MACF1: variants seen among roughly 807,000 people sequenced by gnomAD.
MACF1 encodes the protein microtubule actin crosslinking factor 1, also known as microtubule-actin cross-linking factor 1.
MACF1 carries 193 observed loss-of-function variants against 854.8 expected under a neutral mutation model. The observed-to-expected ratio is 0.23, with a 90% confidence interval of 0.20 to 0.25. The LOEUF (loss-of-function observed/expected upper bound fraction) is 0.25, where lower values mean the gene tolerates loss of function less well. Ranked by LOEUF, MACF1 falls within the 10% of genes least tolerant of loss-of-function variation. The pLI is 1.00. For missense variants in MACF1, 7,722 were observed against 8,929.1 expected (o/e 0.86, Z 5.45); for synonymous variants, 3,185 against 3,226.7 (o/e 0.99, Z 0.44).
At chr1:39,231,834 T>C (rs1644781420) in intron 2 of MACF1, among the ~76,000 whole-genome samples, 1 of 152,016 alleles carries the variant, frequency 6.6e-6, no homozygotes, top group Non-Finnish European at 1.5e-5. Context: ...CGTGAGCCAC[T>C]ACACCCAGTG....
rs776631689 is a variant in MACF1 at position 39,427,447 on chromosome 1, T to C, written c.16317-8T>C. On this transcript the variant is annotated splice_region_variant and splice_polypyrimidine_tract_variant and intron_variant, in intron 61 of 100. Transcript: ENST00000564288. ...TTCCTGAGCAGCTTGTTCTATATAT[T>C]TGTGTAGGCAAAAACAGCTGGAAGA... 3.1e-6 allele frequency: 5 copies of C among 1,613,478 alleles called. No homozygotes were observed. Among genetic ancestry groups the C allele is most frequent in the Non-Finnish European group, 3.4e-6 (4 of 1,179,698 alleles).
At chr1:39,197,718 T>G (rs1644338047) in intron 2 of MACF1, among the ~76,000 whole-genome samples, 1 of 150,454 alleles carries the variant, frequency 6.6e-6, no homozygotes, top group Non-Finnish European at 1.5e-5. Context: ...GACCCCATCT[T>G]CAAAAAAAAT....
intron 15 of MACF1, among the ~76,000 whole-genome samples, chr1:39,289,946 C>T (rs992249299): frequency 3.9e-5 from 6 of 152,008 alleles, no homozygotes; most frequent in East Asian, 3.9e-4. Context: ...GTGATCCACC[C>T]GTCTCGGCCT....
chr1:39,101,855 G>GGAGGGAGGGAAAGAAAGAAAA (rs1642087163), intron 2 of MACF1, among the ~76,000 whole-genome samples: 1 of 147,984 alleles, frequency 6.8e-6, no homozygotes, highest in South Asian at 2.2e-4. Context: ...AGAAAGGGAG[G>GGAGGGAGGGAAAGAAAGAAAA]GAGGGAGGGA....
chr1:39,393,201 A>G (rs1380677941), intron 58 of MACF1, among the ~76,000 whole-genome samples: 2 of 121,174 alleles, frequency 1.7e-5, no homozygotes, highest in Non-Finnish European at 3.2e-5. Context: ...AAAAAAATAT[A>G]TATATATATA....
At chr1:39,266,594 CTTTT>C (rs11406070) in intron 6 of MACF1, among the ~76,000 whole-genome samples, 6 of 58,122 alleles carry the variant, frequency 1.0e-4, no homozygotes, top group African/African-American at 2.2e-4. Flanking sequence ...TGGTCTTTTC[CTTTT>C]TTTTTTTTTT....
intron 2 of MACF1, among the ~76,000 whole-genome samples, chr1:39,132,958 AG>A (rs1452549022): frequency 6.6e-6 from 1 of 152,144 alleles, no homozygotes; most frequent in African/African-American, 2.4e-5. Flanking sequence ...AGGTTAGAAA[AG>A]CTCGGTCCCT....
intron 2 of MACF1, among the ~76,000 whole-genome samples, chr1:39,119,272 G>T (rs1273038897): frequency 7.4e-6 from 1 of 135,622 alleles, no homozygotes; most frequent in East Asian, 2.2e-4. Flanking sequence ...AGCCGAGATC[G>T]CACCATTGCA....
intron 1 of MACF1, among the ~76,000 whole-genome samples, chr1:39,210,803 T>C (rs918380518): frequency 5.9e-5 from 9 of 152,226 alleles, no homozygotes; most frequent in African/African-American, 2.2e-4. Context: ...GTTTTTATCC[T>C]AGTTCTGCCA....
At chr1:39,432,511 A>AT in intron 66 of MACF1, 24 bp from the exon 67 acceptor site, 1 of 1,612,032 alleles carries the variant, frequency 6.2e-7, no homozygotes, top group South Asian at 1.1e-5. Flanking sequence ...TAATTTGTTT[A>AT]TTTTTCTTTA....
At chr1:39,177,046 CTT>C (rs1200488451) in intron 2 of MACF1, among the ~76,000 whole-genome samples, 1 of 152,142 alleles carries the variant, frequency 6.6e-6, no homozygotes, top group Non-Finnish European at 1.5e-5. Context: ...TGTAGTATCT[CTT>C]GAGATAGTCT....
At chr1:39,444,469 T>C (rs1264708790) in intron 79 of MACF1, among the ~76,000 whole-genome samples, 193 bp from the exon 80 acceptor site, 1 of 152,262 alleles carries the variant, frequency 6.6e-6, no homozygotes, top group Non-Finnish European at 1.5e-5. Flanking sequence ...TATTTAGTTA[T>C]TACAATTAAT....
intron 6 of MACF1, chr1:39,268,729 C>A: frequency 7.8e-7 from 1 of 1,286,368 alleles, no homozygotes; most frequent in Non-Finnish European, 1.0e-6. Flanking sequence ...TTTAAGGAGC[C>A]GAAAGAGTCA....
intron 64 of MACF1, 144 bp from the exon 65 acceptor site, chr1:39,429,683 C>A: frequency 1.3e-6 from 1 of 768,784 alleles, no homozygotes; most frequent in African/African-American, 1.8e-5. Flanking sequence ...TCCCATTTGC[C>A]CTTAGTATGG....
At chr1:39,095,846 C>T (rs1490178008) in intron 2 of MACF1, among the ~76,000 whole-genome samples, 4 of 151,064 alleles carry the variant, frequency 2.6e-5, no homozygotes, top group African/African-American at 7.3e-5. Context: ...TACACTCCAG[C>T]GTAGGCAACA....
chr1:39,352,156 A>C (rs1647203049), intron 43 of MACF1, among the ~76,000 whole-genome samples: 1 of 152,198 alleles, frequency 6.6e-6, no homozygotes, highest in African/African-American at 2.4e-5. Flanking sequence ...AAGAAAAATA[A>C]ATTACCTGAA....
At position 39,429,790 on chromosome 1, in the gene MACF1, C is replaced by T. The variant is rs181851990; in HGVS notation, c.16889-37C>T. ...GATCAGAGACTCCTCATTCCTAGGT[C>T]TCTTAAATATGAGTAATTGTGTGCT... On this transcript the variant is annotated intron_variant, in intron 64 of 100. Coordinates refer to ENST00000564288, the MANE Select transcript of MACF1 (RefSeq NM_001394062.1). 19 of 1,605,046 alleles carry T rather than the reference C, an allele frequency of 1.2e-5. No homozygotes were observed. In the African/African-American group the frequency reaches 2.1e-4, roughly 18 times the overall value.
chr1:39,247,237 T>C (rs1324675368), intron 2 of MACF1, among the ~76,000 whole-genome samples: 1 of 151,844 alleles, frequency 6.6e-6, no homozygotes, highest in Non-Finnish European at 1.5e-5. Context: ...CATGCCCGGC[T>C]AATTTTTGTA....
chr1:39,385,547 G>T lies in MACF1; in HGVS notation c.13962G>T (p.Gln4654His). Residue 4654 changes from glutamine (Q) to histidine (H), a missense_variant, in exon 57 of 101, where the codon CAG (glutamine) becomes CAT (histidine). Physicochemically the swap from Gln to His is conservative, Grantham distance 24 (BLOSUM62 0). Around this residue, in one of 15 missense-constraint regions of MACF1, gnomAD observed 2,807 missense variants for 3,235.8 expected, o/e 0.87. Transcript: ENST00000564288. ...TCTCTCTGTCCACCAGCCAAGTACA[G>T]AAAGAACTCCAGAGCATCAATCAGA... ...GDVSLSTSQV[Q>H]KELQSINQKW... 1 of 1,614,150 alleles carries T rather than the reference G, an allele frequency of 6.2e-7. No homozygotes were observed. The highest frequency in any genetic ancestry group is 1.3e-5 in the African/African-American group (1 of 75,040).
Sources: gnomAD v4.1 joint callset for allele counts (sites outside exome capture counted in the v4.1 genomes callset) on GRCh38, gnomAD v4.1.1 for gene constraint, gnomAD v4.1.1 regional missense constraint, MANE v1.5 for transcripts, NCBI Gene and HGNC (gene_info 2026-07-23, HGNC 2026-07-21) for gene names.